Variants in WDR70 observed in about 807,000 individuals in gnomAD.
The protein encoded by WDR70 is WD repeat-containing protein 70.
Under a neutral mutation model 88.6 loss-of-function variants are expected in WDR70, and 53 were observed. The ratio of observed to expected loss-of-function variants is 0.60; its 90% CI spans 0.48 to 0.75. WDR70 has a LOEUF of 0.75. Among genes scored for constraint, WDR70 ranks in the 30% least tolerant of loss-of-function variants. WDR70 has a pLI of 0.00. For missense variants in WDR70, 610 were observed against 823.2 expected (o/e 0.74, Z 3.17); for synonymous variants, 280 against 270.0 (o/e 1.04, Z -0.36).
At position 37,441,875 on chromosome 5, in the gene WDR70, C is replaced by T. The variant is rs147426272; in HGVS notation, c.553-1364C>T. Among the ~76,000 whole-genome samples the T allele has an allele frequency of 1.7e-3, 266 of 152,110 alleles. 1 individual carries two copies. The highest frequency in any genetic ancestry group is 6.0e-3 in the African/African-American group (251 of 41,508). On this transcript the variant is annotated intron_variant, in intron 6 of 17. Transcript: ENST00000265107. ...TTTACTGTGTCCAATGTATAGTAAT[C>T]GCATTAAATATTCCTAATGCAGTTC...
chr5:37,621,641 T>C (rs1744508479), intron 10 of WDR70, among the ~76,000 whole-genome samples: 1 of 152,228 alleles, frequency 6.6e-6, no homozygotes, highest in Non-Finnish European at 1.5e-5. Context: ...CTTTGTTAGA[T>C]GAGTAGATTG....
Position 37,487,621 on chromosome 5 carries a change from A to ATTTT in WDR70, c.840+7635_840+7636insTTTT, listed in dbSNP as rs1561871968. 5.3e-5 allele frequency among the ~76,000 whole-genome samples: 2 copies of ATTTT among 37,692 alleles called. 1 individual carries two copies. The highest frequency in any genetic ancestry group is 1.5e-4 in the African/African-American group (2 of 13,692). 24.7% of individuals were successfully genotyped at this position (37,692 alleles called of 152,430 possible). On this transcript the variant is annotated intron_variant, in intron 8 of 17. Coordinates refer to ENST00000265107, the MANE Select transcript of WDR70 (RefSeq NM_018034.4). ...TATAAATATATATATATATATATAT[A>ATTTT]TATGTATTTTTTTTTTTTTTTTTGA...
intron 10 of WDR70, among the ~76,000 whole-genome samples, chr5:37,687,741 AT>A (rs35188065): frequency 0.25 from 36,855 of 147,634 alleles, 5,003 homozygotes; most frequent in Admixed American, 0.38. Flanking sequence ...ATCTAGCAGA[AT>A]TTTTTTTTTT....
intron 10 of WDR70, among the ~76,000 whole-genome samples, chr5:37,606,420 C>CT (rs1744033459): frequency 6.6e-6 from 1 of 152,092 alleles, no homozygotes; most frequent in South Asian, 2.1e-4. Context: ...TTCATCATCT[C>CT]TGGGTGCTGT....
At chr5:37,697,944 T>A in intron 11 of WDR70, 190 bp downstream of exon 11, 1 of 491,622 alleles carries the variant, frequency 2.0e-6, no homozygotes, top group Non-Finnish European at 3.6e-6. Flanking sequence ...AATTACCAAG[T>A]AAAATGTTTA....
intron 9 of WDR70, among the ~76,000 whole-genome samples, chr5:37,549,897 C>G (rs1255211565): frequency 6.6e-6 from 1 of 151,756 alleles, no homozygotes; most frequent in Non-Finnish European, 1.5e-5. Flanking sequence ...GAGCCTCACC[C>G]TGTCATGCAG....
Position 37,697,700 on chromosome 5 carries a change from G to A in WDR70, c.1138G>A (p.Asp380Asn), listed in dbSNP as rs766741592. 9 of 1,613,710 alleles carry A rather than the reference G, an allele frequency of 5.6e-6. No homozygotes were observed. ...HYKQAHDSGTDTSCVTFSYDG... is the reference protein window; with the variant it reads ...HYKQAHDSGTNTSCVTFSYDG... ...TAAACAGGCTCATGACTCGGGCACA[G>A]ACACTTCTTGCGTGACTTTTTCCTA... Residue 380 changes from aspartate (D) to asparagine (N), a missense_variant, in exon 11 of 18, where the codon GAC becomes AAC. Physicochemically the swap from Asp to Asn is conservative, Grantham distance 23. Around this residue, in one of 4 missense-constraint regions of WDR70, gnomAD observed 254 missense variants for 300.7 expected, o/e 0.84. Coordinates refer to ENST00000265107, the MANE Select transcript of WDR70 (RefSeq NM_018034.4).
intron 7 of WDR70, among the ~76,000 whole-genome samples, chr5:37,455,366 T>C (rs1268318221): frequency 1.3e-5 from 2 of 151,502 alleles, no homozygotes; most frequent in Non-Finnish European, 2.9e-5. Flanking sequence ...TGCCTCAGCC[T>C]GCTGAGGAGC....
chr5:37,613,399 C>T (rs1477159449), intron 10 of WDR70, among the ~76,000 whole-genome samples: 1 of 152,130 alleles, frequency 6.6e-6, no homozygotes, highest in African/African-American at 2.4e-5. Flanking sequence ...CATTTGGAAG[C>T]TGGAAGCCAG....
chr5:37,648,075 G>T (rs1349021049), intron 10 of WDR70, among the ~76,000 whole-genome samples: 3 of 152,140 alleles, frequency 2.0e-5, no homozygotes, highest in African/African-American at 7.2e-5. Flanking sequence ...GCCATATTAG[G>T]TGTTATATGG....
At chr5:37,668,453 G>GT (rs1028256962) in intron 10 of WDR70, among the ~76,000 whole-genome samples, 2 of 152,082 alleles carry the variant, frequency 1.3e-5, no homozygotes, top group Admixed American at 6.5e-5. Context: ...GACTTAAAAT[G>GT]TTTTTTTGCA....
chr5:37,745,946 C>T (rs2973053), intron 17 of WDR70, among the ~76,000 whole-genome samples: 73,551 of 152,024 alleles, frequency 0.48, 20,502 homozygotes, highest in Non-Finnish European at 0.62. Flanking sequence ...CTACAGAACT[C>T]TCTACCCCAA....
chr5:37,674,941 G>A (rs1223606480), intron 10 of WDR70, among the ~76,000 whole-genome samples: 2 of 151,440 alleles, frequency 1.3e-5, no homozygotes, highest in Non-Finnish European at 2.9e-5. Context: ...GGTGTGAGAT[G>A]GTATCTCATT....
chr5:37,660,041 T>G (rs1393986120), intron 10 of WDR70, among the ~76,000 whole-genome samples: 1 of 152,214 alleles, frequency 6.6e-6, no homozygotes, highest in African/African-American at 2.4e-5. Flanking sequence ...TATGGAATAT[T>G]TAGAAGTGTG....
intron 7 of WDR70, among the ~76,000 whole-genome samples, chr5:37,455,636 C>CTTTTTTT (rs59254502): frequency 0.47 from 33,137 of 70,068 alleles, 11,314 homozygotes; most frequent in Non-Finnish European, 0.6. Flanking sequence ...TTCTCTTTAT[C>CTTTTTTT]TTTTTTTTTT....
At chr5:37,557,201 C>G (rs1459292570) in intron 9 of WDR70, among the ~76,000 whole-genome samples, 1 of 142,166 alleles carries the variant, frequency 7.0e-6, no homozygotes, top group Non-Finnish European at 1.5e-5. Flanking sequence ...AAAGTTAGTG[C>G]TTGAAATCTG....
In WDR70 at chr5:37,651,971, G is replaced by A. The variant is rs568697989; in HGVS notation, c.1093-45684G>A. 2.3e-3 allele frequency among the ~76,000 whole-genome samples: 352 copies of A among 151,780 alleles called. 2 individuals are homozygous for A. The highest frequency in any genetic ancestry group is 8.1e-3 in the African/African-American group (337 of 41,452). On this transcript the variant is annotated intron_variant, in intron 10 of 17. Coordinates refer to ENST00000265107, the MANE Select transcript of WDR70 (RefSeq NM_018034.4). Reference sequence around the variant, plus strand: ...AAGCTCTTTAGTTTAATTAAATCCCGTTTATCAATTTTGGCTTTTGGTGTT... The same window carrying A: ...AAGCTCTTTAGTTTAATTAAATCCCATTTATCAATTTTGGCTTTTGGTGTT...
intron 8 of WDR70, among the ~76,000 whole-genome samples, chr5:37,498,638 G>A (rs1157054278): frequency 2.0e-5 from 3 of 152,172 alleles, no homozygotes; most frequent in Non-Finnish European, 4.4e-5. Context: ...TCCTTCTGCA[G>A]TTGGTTGTCT....
chr5:37,635,062 A>AT (rs944331317), intron 10 of WDR70, among the ~76,000 whole-genome samples: 6 of 151,866 alleles, frequency 4.0e-5, no homozygotes, highest in African/African-American at 9.7e-5. Flanking sequence ...CTGAGGTCTG[A>AT]TTTTTTTCCT....
Sources: allele counts gnomAD v4.1 joint callset (sites outside exome capture counted in the v4.1 genomes callset), GRCh38; gene constraint gnomAD v4.1.1; regional missense constraint gnomAD v4.1.1; transcripts MANE v1.5; gene names NCBI Gene and HGNC (gene_info 2026-07-23, HGNC 2026-07-21).